Variants in KDM6A observed in about 807,000 individuals in gnomAD.
KDM6A encodes the protein lysine-specific demethylase 6A.
In KDM6A, 11 loss-of-function variants were observed where a neutral mutation model predicts 117.6. That is an observed-to-expected ratio of 0.09 (90% confidence interval 0.06 to 0.15). The LOEUF is 0.15. Ranked by LOEUF, KDM6A falls within the 10% of genes least tolerant of loss-of-function variation. The pLI, the probability that KDM6A is intolerant of heterozygous loss-of-function variation, is 1.00. For synonymous variants in KDM6A, 384 were observed against 396.1 expected (o/e 0.97, Z 0.36); for missense variants, 799 against 1,077.3 (o/e 0.74, Z 3.62).
intron 27 of KDM6A, among the ~76,000 whole-genome samples, chrX:45,094,661 G>T (rs2046029114): frequency 9.0e-6 from 1 of 111,565 alleles, no homozygotes; most frequent in South Asian, 3.8e-4. Flanking sequence ...ATTTTGAAAG[G>T]CTCGGAGGAA....
chrX:44,911,037 C>G (rs1417318956), intron 2 of KDM6A, among the ~76,000 whole-genome samples: 2 of 111,994 alleles, frequency 1.8e-5, no homozygotes, highest in Non-Finnish European at 3.8e-5. Flanking sequence ...GGGGTGGCGG[C>G]CGGGCAGAGG....
chrX:45,075,279 A>T (rs1391565023), intron 18 of KDM6A, among the ~76,000 whole-genome samples: 3 of 111,494 alleles, frequency 2.7e-5, no homozygotes, highest in Non-Finnish European at 5.7e-5. Flanking sequence ...AATTTTCTAC[A>T]TGTTAAAAGC....
intron 4 of KDM6A, among the ~76,000 whole-genome samples, chrX:44,975,478 T>C (rs945176258): frequency 2.7e-5 from 3 of 111,078 alleles, no homozygotes; most frequent in Non-Finnish European, 3.8e-5. Flanking sequence ...GAACACCGTG[T>C]AGAGGTTTTA....
Position 45,051,711 on chromosome X carries a change from G to A in KDM6A, c.657G>A (p.Arg219=). The change falls in exon 9 of 30, where the codon AGG becomes AGA. Residue 219 remains arginine, a splice_region_variant and synonymous_variant. Transcript: ENST00000611820. ...AAATCTCTTTTTCTGTTCTTTAGAG[G>A]AAATATCATTCTGCAAAAGAAGCTT... is the stretch of plus-strand genomic sequence containing the variant. ...FHIAHLYETQ[R]KYHSAKEAYE... 1 of 1,139,184 alleles carries A rather than the reference G, an allele frequency of 8.8e-7. No individual in the cohort carries two copies. The highest frequency in any genetic ancestry group is 3.0e-5 in the East Asian group (1 of 33,447). 93.9% of individuals were successfully genotyped at this position (1,139,184 alleles called of 1,213,427 possible). A position where few individuals can be genotyped will look rare whatever the true frequency, so the allele number is the denominator to read the frequency against.
At chrX:44,981,746 A>G (rs1041269151) in intron 4 of KDM6A, among the ~76,000 whole-genome samples, 7 of 111,306 alleles carry the variant, frequency 6.3e-5, no homozygotes, top group Non-Finnish European at 9.4e-5. Flanking sequence ...ACCTGAAGCT[A>G]CATAGGTGGC....
At chrX:44,886,978 A>G (rs2146563090) in intron 2 of KDM6A, among the ~76,000 whole-genome samples, 1 of 102,388 alleles carries the variant, frequency 9.8e-6, no homozygotes, top group African/African-American at 3.6e-5. Context: ...ACTGTCCTCC[A>G]GGCTGCAGTG....
intron 2 of KDM6A, among the ~76,000 whole-genome samples, chrX:44,957,145 A>G (rs2038382115): frequency 9.0e-6 from 1 of 110,757 alleles, no homozygotes; most frequent in Non-Finnish European, 1.9e-5. Context: ...AAAAATAAAT[A>G]AATAAAAATA....
chrX:45,101,094 C>T (rs888388688), intron 27 of KDM6A, among the ~76,000 whole-genome samples: 1 of 111,168 alleles, frequency 9.0e-6, no homozygotes, highest in Non-Finnish European at 1.9e-5. Context: ...GATGTTTGCC[C>T]ATCCATTTTT....
intron 21 of KDM6A, among the ~76,000 whole-genome samples, chrX:45,080,784 CT>C (rs1433474517): frequency 1.8e-5 from 2 of 112,053 alleles, no homozygotes; most frequent in African/African-American, 6.5e-5. Context: ...CTTCAAGTAC[CT>C]GGTAATATTA....
At chrX:44,944,366 C>G (rs1014146608) in intron 2 of KDM6A, among the ~76,000 whole-genome samples, 8 of 111,287 alleles carry the variant, frequency 7.2e-5, no homozygotes, top group African/African-American at 2.6e-4. Flanking sequence ...TGTGAATTCT[C>G]TAGCCTTACT....
intron 2 of KDM6A, among the ~76,000 whole-genome samples, chrX:44,875,461 G>T (rs2031412255): frequency 9.0e-6 from 1 of 111,277 alleles, no homozygotes; most frequent in African/African-American, 3.3e-5. Flanking sequence ...CTTTGACTAC[G>T]TAGGTATTAA....
At position 44,922,264 on chromosome X, in the gene KDM6A, G is replaced by T. The variant is rs140050176; in HGVS notation, c.226-39020G>T. 3.7e-3 allele frequency among the ~76,000 whole-genome samples: 398 copies of T among 106,334 alleles called. 3 individuals carry two copies. The highest frequency in any genetic ancestry group is 0.013 in the African/African-American group (380 of 29,291). The allele number at this position is 106,334 out of a possible 115,157, so 92.3% of individuals were successfully genotyped here. A position where few individuals can be genotyped will look rare whatever the true frequency, so the allele number is the denominator to read the frequency against. ...TCGCCGTGTTGCCCAGGCTGGTCCAGGCTGGTCTTGAACTCCTGACCTCAG... is the reference window on the plus strand; with the variant it reads ...TCGCCGTGTTGCCCAGGCTGGTCCATGCTGGTCTTGAACTCCTGACCTCAG... On this transcript the variant is annotated intron_variant, in intron 2 of 29. Transcript: ENST00000611820.
At chrX:44,876,887 A>G (rs892055157) in intron 2 of KDM6A, among the ~76,000 whole-genome samples, 21 of 111,147 alleles carry the variant, frequency 1.9e-4, no homozygotes, top group African/African-American at 4.9e-4. Flanking sequence ...GTACATATAC[A>G]TATATACACA....
At chrX:44,992,653 C>T (rs1214188313) in intron 4 of KDM6A, among the ~76,000 whole-genome samples, 1 of 109,317 alleles carries the variant, frequency 9.1e-6, no homozygotes, top group Non-Finnish European at 1.9e-5. Flanking sequence ...TGGGTTCAAG[C>T]GATTCTCCTG....
At chrX:45,095,410 A>G (rs922794961) in intron 27 of KDM6A, among the ~76,000 whole-genome samples, 5 of 111,168 alleles carry the variant, frequency 4.5e-5, no homozygotes, top group Non-Finnish European at 9.4e-5. Flanking sequence ...GGAAAAGGGA[A>G]GAAAAAGTTG....
chrX:44,913,523 G>C (rs1247039664), intron 2 of KDM6A, among the ~76,000 whole-genome samples: 1 of 109,475 alleles, frequency 9.1e-6, no homozygotes, highest in South Asian at 4.0e-4. Flanking sequence ...GGCTGGTCTC[G>C]AACTCCTGAC....
chrX:45,070,908 G>A (rs753799466), intron 18 of KDM6A, among the ~76,000 whole-genome samples: 3 of 111,017 alleles, frequency 2.7e-5, no homozygotes, highest in Non-Finnish European at 5.7e-5. Flanking sequence ...AGCCATTCTG[G>A]AAGGAGCCAG....
chrX:45,061,483 ATTTTTT>A (rs1161774144), intron 15 of KDM6A, 64 bp downstream of exon 15: 37 of 237,420 alleles, frequency 1.6e-4, no homozygotes, highest in Admixed American at 2.7e-4. Context: ...ACAAGTATTA[ATTTTTT>A]TTTTTTTTTT....
At chrX:44,982,644 C>T (rs1267901931) in intron 4 of KDM6A, among the ~76,000 whole-genome samples, 1 of 111,765 alleles carries the variant, frequency 8.9e-6, no homozygotes, top group African/African-American at 3.3e-5. Context: ...CTAAAAAGTT[C>T]TAAATAATAC....
Sources: allele counts gnomAD v4.1 joint callset (sites outside exome capture counted in the v4.1 genomes callset), GRCh38; gene constraint gnomAD v4.1.1; transcripts MANE v1.5; gene names NCBI Gene and HGNC (gene_info 2026-07-23, HGNC 2026-07-21).